The following LINGO2 variants were observed in gnomAD, a reference collection of about 807,000 sequenced individuals.
LINGO2 encodes leucine rich repeat and Ig domain containing 2.
In LINGO2, 14 loss-of-function variants were observed where a neutral mutation model predicts 30.6. The observed-to-expected ratio is 0.46, with a 90% CI of 0.30 to 0.72. LINGO2 has a LOEUF of 0.72. Among genes scored for constraint, LINGO2 ranks in the 30% least tolerant of loss-of-function variants. LINGO2 has a pLI of 0.07. For missense variants in LINGO2, 729 were observed against 751.7 expected (o/e 0.97, Z 0.35); for synonymous variants, 317 against 288.5 (o/e 1.10, Z -1.00).
chr9:28,156,495 A>T (rs1828133904), intron 4 of LINGO2, among the ~76,000 whole-genome samples: 1 of 152,204 alleles, frequency 6.6e-6, no homozygotes, highest in African/African-American at 2.4e-5. Flanking sequence ...TTGCAAATGA[A>T]GTACAGAGAG....
At chr9:27,948,657 G>T in exon 6 of LINGO2, 1 of 643,800 alleles carries the variant, frequency 1.6e-6, no homozygotes, top group East Asian at 2.6e-5. Flanking sequence ...ACTGTGTGAA[G>T]GGCTCTGACA....
At chr9:29,199,812 G>A in the LINGO2 span, among the ~76,000 whole-genome samples, 10 of 151,950 alleles carry the variant, frequency 6.6e-5, no homozygotes, top group South Asian at 4.1e-4. Flanking sequence ...GCCCCATAGC[G>A]CAGGTTTGAA....
the LINGO2 span, among the ~76,000 whole-genome samples, chr9:28,790,317 T>TTTTCTTTC: frequency 4.3e-5 from 6 of 139,536 alleles, no homozygotes; most frequent in African/African-American, 1.7e-4. Context: ...CCATCTTTTC[T>TTTTCTTTC]TTTCTTTCTT....
At chr9:28,156,446 A>G (rs1362885718) in intron 4 of LINGO2, among the ~76,000 whole-genome samples, 1 of 152,240 alleles carries the variant, frequency 6.6e-6, no homozygotes, top group Non-Finnish European at 1.5e-5. Flanking sequence ...CTGAATATCT[A>G]CATCCAATCT....
chr9:28,914,992 C>A, the LINGO2 span, among the ~76,000 whole-genome samples: 1 of 151,920 alleles, frequency 6.6e-6, no homozygotes, highest in East Asian at 1.9e-4. Context: ...ATTAGCTGGG[C>A]ATGGTGGCAC....
At chr9:28,607,711 C>A (rs1207721184) in intron 1 of LINGO2, among the ~76,000 whole-genome samples, 1 of 152,032 alleles carries the variant, frequency 6.6e-6, no homozygotes, top group Admixed American at 6.6e-5. Flanking sequence ...AATTCCCCAT[C>A]TTTCATGTGT....
chr9:28,561,747 G>T (rs868239319), intron 1 of LINGO2, among the ~76,000 whole-genome samples: 7 of 35,850 alleles, frequency 2.0e-4, no homozygotes, highest in East Asian at 4.4e-3. Flanking sequence ...GTGTGTGTGT[G>T]TGTATATATA....
the LINGO2 span, among the ~76,000 whole-genome samples, chr9:28,913,847 T>C: frequency 2.0e-5 from 3 of 152,148 alleles, no homozygotes; most frequent in Middle Eastern, 3.2e-3. Context: ...AGTAATACGT[T>C]ATAGTGAGTA....
At chr9:29,162,842 C>T in the LINGO2 span, among the ~76,000 whole-genome samples, 1 of 152,102 alleles carries the variant, frequency 6.6e-6, no homozygotes, top group Non-Finnish European at 1.5e-5. Context: ...CTACTTGAAA[C>T]TAGCAGCAAA....
rs1218583992 is a variant in LINGO2, at chr9:28,172,090, T to C, written c.-87+123118A>G. Reference sequence around the variant, plus strand: ...TTCCTGCTGTGGCTACTGCCATAAATGACATAATTAAGAATTCACGGCCCG... The same window carrying C: ...TTCCTGCTGTGGCTACTGCCATAAACGACATAATTAAGAATTCACGGCCCG... On this transcript the variant is annotated intron_variant, in intron 4 of 5. Coordinates refer to ENST00000379992, the Ensembl canonical transcript of LINGO2. 1.3e-4 allele frequency among the ~76,000 whole-genome samples: 18 copies of C among 135,330 alleles called. No individual in the cohort carries two copies. In the East Asian group the frequency reaches 3.8e-3, roughly 29 times the overall value. The allele number at this position is 135,330 out of a possible 152,430, so 88.8% of individuals were successfully genotyped here. A position where few individuals can be genotyped will look rare whatever the true frequency, so the allele number is the denominator to read the frequency against.
At chr9:29,069,971 A>T in the LINGO2 span, among the ~76,000 whole-genome samples, 1 of 152,098 alleles carries the variant, frequency 6.6e-6, no homozygotes, top group African/African-American at 2.4e-5. Context: ...TGCTAAATAG[A>T]TGAGATTAAA....
At chr9:28,764,648 C>G in the LINGO2 span, among the ~76,000 whole-genome samples, 1 of 151,714 alleles carries the variant, frequency 6.6e-6, no homozygotes, top group Non-Finnish European at 1.5e-5. Flanking sequence ...GAAATACTAG[C>G]AAGAGCAACC....
intron 2 of LINGO2, among the ~76,000 whole-genome samples, chr9:28,402,985 T>C (rs905345445): frequency 6.6e-6 from 1 of 152,204 alleles, no homozygotes; most frequent in Non-Finnish European, 1.5e-5. Flanking sequence ...GGCTTTTCAA[T>C]GCCTCAGATT....
At chr9:28,787,880 T>C in the LINGO2 span, among the ~76,000 whole-genome samples, 1 of 152,174 alleles carries the variant, frequency 6.6e-6, no homozygotes, top group Non-Finnish European at 1.5e-5. Context: ...ACATTCATTC[T>C]TGATTCTTCA....
At chr9:28,243,657 C>T (rs565361781) in intron 4 of LINGO2, among the ~76,000 whole-genome samples, 8 of 150,934 alleles carry the variant, frequency 5.3e-5, no homozygotes, top group Admixed American at 2.6e-4. Context: ...ACAAAAAAAA[C>T]GGGTTGGATT....
intron 4 of LINGO2, among the ~76,000 whole-genome samples, chr9:28,193,756 T>C (rs1397311778): frequency 6.6e-6 from 1 of 152,226 alleles, no homozygotes; most frequent in East Asian, 1.9e-4. Flanking sequence ...CTTTTGACAG[T>C]TCTGGTTCAG....
chr9:28,141,684 A>G (rs1459866965), intron 4 of LINGO2, among the ~76,000 whole-genome samples: 1 of 152,112 alleles, frequency 6.6e-6, no homozygotes, highest in Non-Finnish European at 1.5e-5. Flanking sequence ...TGGGAGGCTG[A>G]GGCGGGCGGA....
the LINGO2 span, among the ~76,000 whole-genome samples, chr9:29,064,186 A>C: frequency 2.6e-5 from 4 of 152,156 alleles, no homozygotes; most frequent in African/African-American, 9.7e-5. Flanking sequence ...AATTAAATTA[A>C]TGTATATTCC....
rs76694800 is a variant in LINGO2 at position 28,645,917 on chromosome 9, G to A, written c.-365+24283C>T. Among the ~76,000 whole-genome samples the A allele has an allele frequency of 3.7e-3, 559 of 152,192 alleles. 1 individual carries two copies. The highest frequency in any genetic ancestry group is 6.4e-3 in the Non-Finnish European group (432 of 67,992). ...GTGCTTTAGAGCTAAACAGACATGA[G>A]TTGAATACCAGGTCTCTTACTTACT... On this transcript the variant is annotated intron_variant, in intron 1 of 5. Transcript: ENST00000379992.
Sources: gnomAD v4.1 joint callset for allele counts (sites outside exome capture counted in the v4.1 genomes callset) on GRCh38, gnomAD v4.1.1 for gene constraint, MANE v1.5 for transcripts, NCBI Gene and HGNC (gene_info 2026-07-23, HGNC 2026-07-21) for gene names.